The following FRY variants were observed in gnomAD, a reference collection of about 807,000 sequenced individuals.
FRY encodes the protein FRY microtubule binding protein.
FRY carries 128 observed loss-of-function variants against 348.4 expected under a neutral mutation model. That is an observed-to-expected ratio of 0.37 (90% CI 0.32 to 0.43). The LOEUF (loss-of-function observed/expected upper bound fraction) is 0.43. FRY is among the 20% of genes least tolerant of loss of function. The pLI is 1.00. For synonymous variants in FRY, 1,370 were observed against 1,374.7 expected (o/e 1.00, Z 0.08); for missense variants, 2,736 against 3,695.2 (o/e 0.74, Z 6.73).
At chr13:32,214,495 A>G (rs1884871586) in intron 35 of FRY, among the ~76,000 whole-genome samples, 1 of 152,200 alleles carries the variant, frequency 6.6e-6, no homozygotes, top group Non-Finnish European at 1.5e-5. Context: ...GTTAGTGTAG[A>G]CAGTTCTTCT....
At chr13:32,292,087 A>T in intron 59 of FRY, 1 of 428,566 alleles carries the variant, frequency 2.3e-6, no homozygotes, top group Non-Finnish European at 4.7e-6. Flanking sequence ...GGTTCAAACG[A>T]TTCTCCTGCC....
At chr13:32,126,709 A>G (rs1426140351) in intron 7 of FRY, among the ~76,000 whole-genome samples, 2 of 152,244 alleles carry the variant, frequency 1.3e-5, no homozygotes, top group Non-Finnish European at 2.9e-5. Context: ...TTAAACTAGT[A>G]TCATACCATG....
At chr13:32,157,483 T>C in intron 16 of FRY, 78 bp downstream of exon 16, 7 of 1,405,146 alleles carry the variant, frequency 5.0e-6, no homozygotes, top group Non-Finnish European at 7.0e-6. Context: ...ATTTATTCTG[T>C]ATTTTGTTTT....
At chr13:32,279,810 C>T (rs1220886350) in intron 58 of FRY, among the ~76,000 whole-genome samples, 6 of 152,202 alleles carry the variant, frequency 3.9e-5, no homozygotes, top group Non-Finnish European at 7.3e-5. Flanking sequence ...ACCAGTGGTT[C>T]CATTCCAATT....
chr13:32,168,691 C>G (rs1881889527), intron 17 of FRY, among the ~76,000 whole-genome samples: 2 of 152,176 alleles, frequency 1.3e-5, no homozygotes, highest in Admixed American at 6.5e-5. Flanking sequence ...CTTAGATCTT[C>G]CTTCTCAGTG....
intron 22 of FRY, among the ~76,000 whole-genome samples, 172 bp from the exon 23 acceptor site, chr13:32,179,503 T>TGTGTGTGTGTGTGTG (rs1882570010): frequency 7.3e-6 from 1 of 137,552 alleles, no homozygotes; most frequent in African/African-American, 2.7e-5. Context: ...TGTATTAAAT[T>TGTGTGTGTGTGTGTG]TGTGTGTGTG....
At chr13:32,275,040 A>G (rs117846345) in intron 56 of FRY, 49 bp downstream of exon 56, 4 of 1,513,546 alleles carry the variant, frequency 2.6e-6, no homozygotes, top group African/African-American at 2.7e-5. Flanking sequence ...CGCAACCTAC[A>G]GTGCAGAACT....
In FRY at chr13:32,224,318, G is replaced by A; in HGVS notation, c.4849G>A (p.Gly1617Arg). ...GCAGCCCTTACCGATGCCTTGTACT[G>A]GAGGATGCTGGGCCCCCCTGGTTGA... The part of the protein sequence containing the change: ...QPQPLPMPCT[G>R]GCWAPLVDYL... Residue 1617 changes from glycine to arginine, a missense_variant, in exon 37 of 61, where the codon GGA becomes AGA. By Grantham distance (125) the Gly-to-Arg change is moderately radical. Around this residue, in one of 9 missense-constraint regions of FRY, gnomAD observed 794 missense variants for 977.0 expected, o/e 0.81. Transcript: ENST00000542859. 6.2e-7 allele frequency: 1 copy of A among 1,613,952 alleles called. No homozygotes were observed. The highest frequency in any genetic ancestry group is 1.3e-5 in the African/African-American group (1 of 74,998).
rs1315238647 is a variant in FRY at position 32,297,865 on chromosome 13, G to C, written c.*2405G>C. On this transcript the variant is annotated 3_prime_UTR_variant, in exon 61 of 61. Coordinates refer to ENST00000542859, the MANE Select transcript of FRY (RefSeq NM_023037.3). ...TATTTAACAGATGCCTCAGTGATAA[G>C]AAAGATGCCTCCTTGTGTCTCACTG... 4 of 152,214 alleles carry C rather than the reference G, an allele frequency of 2.6e-5. No homozygotes were observed. The highest frequency in any genetic ancestry group is 5.9e-5 in the Non-Finnish European group (4 of 68,044). 9.4% of individuals were successfully genotyped at this position (152,214 alleles called of 1,614,324 possible).
intron 31 of FRY, among the ~76,000 whole-genome samples, chr13:32,204,176 C>G (rs1884215371): frequency 6.6e-6 from 1 of 152,178 alleles, no homozygotes; most frequent in African/African-American, 2.4e-5. Context: ...CACAGAACCT[C>G]TAAATTACAT....
At chr13:32,058,855 T>A (rs1287525692) in intron 1 of FRY, among the ~76,000 whole-genome samples, 1 of 152,238 alleles carries the variant, frequency 6.6e-6, no homozygotes, top group Non-Finnish European at 1.5e-5. Context: ...GCTGCCATTG[T>A]TTAGAAGTCT....
intron 41 of FRY, 128 bp from the exon 42 acceptor site, chr13:32,234,446 G>A (rs1886109220): frequency 1.2e-6 from 1 of 827,416 alleles, no homozygotes; most frequent in African/African-American, 1.7e-5. Flanking sequence ...AAAAATGGTT[G>A]ACTTGTAAAT....
chr13:32,224,116 G>A (rs1885458894), intron 36 of FRY, 119 bp from the exon 37 acceptor site: 7 of 1,025,792 alleles, frequency 6.8e-6, no homozygotes, highest in Non-Finnish European at 9.0e-6. Flanking sequence ...ATTTAAAAAT[G>A]AAAAATAAAG....
At chr13:32,129,548 G>T (rs916023426) in intron 7 of FRY, among the ~76,000 whole-genome samples, 2 of 151,688 alleles carry the variant, frequency 1.3e-5, no homozygotes, top group African/African-American at 4.8e-5. Context: ...TGTCAGAAGG[G>T]GCCAGTTTGG....
chr13:32,121,265 CT>C, intron 4 of FRY, among the ~76,000 whole-genome samples: 1 of 152,248 alleles, frequency 6.6e-6, no homozygotes, highest in African/African-American at 2.4e-5. Flanking sequence ...ATAATGACTT[CT>C]TTTCCTCTGG....
intron 59 of FRY, among the ~76,000 whole-genome samples, chr13:32,290,505 A>G (rs1383575699): frequency 1.3e-5 from 2 of 152,264 alleles, no homozygotes; most frequent in African/African-American, 2.4e-5. Context: ...AGAAAGAGAA[A>G]GGAACTACAA....
At chr13:32,094,502 C>T (rs1056194819) in intron 2 of FRY, among the ~76,000 whole-genome samples, 5 of 152,096 alleles carry the variant, frequency 3.3e-5, no homozygotes, top group African/African-American at 1.2e-4. Context: ...CCCCACCTCC[C>T]CACTAACCCC....
At chr13:32,157,208 TGAATAA>T in intron 15 of FRY, 59 bp from the exon 16 acceptor site, 1 of 1,465,180 alleles carries the variant, frequency 6.8e-7, no homozygotes, top group Non-Finnish European at 9.5e-7. Flanking sequence ...TTATAGAGGA[TGAATAA>T]ATCAGGATAT....
chr13:32,220,446 T>G (rs1481488409), intron 36 of FRY, among the ~76,000 whole-genome samples: 1 of 152,246 alleles, frequency 6.6e-6, no homozygotes, highest in Non-Finnish European at 1.5e-5. Context: ...CTGTTTGTGT[T>G]TTCCTTCCTT....
Sources: allele counts gnomAD v4.1 joint callset (sites outside exome capture counted in the v4.1 genomes callset), GRCh38; gene constraint gnomAD v4.1.1; regional missense constraint gnomAD v4.1.1; transcripts MANE v1.5; gene names NCBI Gene and HGNC (gene_info 2026-07-23, HGNC 2026-07-21).